The following TMEM87B variants were observed in gnomAD, a reference collection of about 807,000 sequenced individuals.
TMEM87B encodes the protein transmembrane protein 87B.
TMEM87B carries 83 observed loss-of-function variants against 80.3 expected under a neutral mutation model. The observed-to-expected ratio is 1.03, with a 90% CI of 0.87 to 1.24. The LOEUF is 1.24. Ranked by LOEUF, TMEM87B falls within the 50% of genes most tolerant of loss-of-function variation. The probability of loss-of-function intolerance (pLI) is 0.00; values close to 1 mark genes in which losing one functional copy is unlikely to be tolerated. For missense variants in TMEM87B, 625 were observed against 674.4 expected (o/e 0.93, Z 0.81); for synonymous variants, 219 against 230.5 (o/e 0.95, Z 0.45).
chr2:112,097,230 C>T lies in TMEM87B; in HGVS notation c.1214-3C>T. ...TTCAAAGGTGACTTTTTGTGTGTTT[C>T]AGCTTCTATAGTGTTTATGGGGTGG... On this transcript the variant is annotated splice_region_variant and splice_polypyrimidine_tract_variant and intron_variant, in intron 12 of 18. Transcript: ENST00000283206. 1 of 1,607,750 alleles carries T rather than the reference C, an allele frequency of 6.2e-7. No individual in the cohort carries two copies. Among genetic ancestry groups the T allele is most frequent in the Admixed American group, 1.7e-5 (1 of 58,406 alleles).
intron 2 of TMEM87B, among the ~76,000 whole-genome samples, chr2:112,060,685 C>T (rs1274966136): frequency 1.3e-5 from 2 of 151,816 alleles, no homozygotes; most frequent in Admixed American, 6.6e-5. Context: ...TACAGGCGAA[C>T]GCCACCACGC....
chr2:112,110,570 TC>T (rs1329623260), intron 17 of TMEM87B, among the ~76,000 whole-genome samples: 2 of 152,192 alleles, frequency 1.3e-5, no homozygotes, highest in Admixed American at 6.5e-5. Context: ...GATTTTGTTT[TC>T]CCATTCTGAG....
rs1217473816 is a variant in TMEM87B at position 112,055,370 on chromosome 2, C to T, written c.-222C>T. 6 of 529,208 alleles carry T rather than the reference C, an allele frequency of 1.1e-5. No homozygotes were observed. The highest frequency in any genetic ancestry group is 1.3e-5 in the Non-Finnish European group (4 of 308,920). 32.8% of individuals were successfully genotyped at this position (529,208 alleles called of 1,614,324 possible). On this transcript the variant is annotated 5_prime_UTR_variant, in exon 1 of 19. The change creates a new upstream start codon in the 5' untranslated region. Coordinates refer to ENST00000283206, the MANE Select transcript of TMEM87B (RefSeq NM_032824.3). The stretch of plus-strand genomic sequence containing the variant: ...GCCTTCCAGGCATCTCCCAGCTGCA[C>T]GCTCGGGCCCGGCTCAGAGCCCTAA...
At position 112,116,180 on chromosome 2, in the gene TMEM87B, G is replaced by T. The variant is rs756945845; in HGVS notation, c.*37G>T. ...ATAAGAAATGTAGTTAAGCCTGAAG[G>T]ACTATCCTTCATCAAGACTGAAAGT... On this transcript the variant is annotated 3_prime_UTR_variant, in exon 19 of 19. Coordinates refer to ENST00000283206, the MANE Select transcript of TMEM87B (RefSeq NM_032824.3). 5 of 1,568,422 alleles carry T rather than the reference G, an allele frequency of 3.2e-6. No homozygotes were observed. In the Admixed American group the frequency reaches 7.0e-5, roughly 22 times the overall value.
At chr2:112,102,987 G>A (rs531855346) in intron 15 of TMEM87B, among the ~76,000 whole-genome samples, 1 of 152,256 alleles carries the variant, frequency 6.6e-6, no homozygotes, top group South Asian at 2.1e-4. Context: ...GAATGTGAAA[G>A]AAAGAACATG....
intron 4 of TMEM87B, among the ~76,000 whole-genome samples, chr2:112,070,818 CT>C (rs1022710531): frequency 3.7e-4 from 54 of 145,122 alleles, no homozygotes; most frequent in Non-Finnish European, 4.4e-4. Context: ...CATGGAACAT[CT>C]TTTTTTTTTT....
At chr2:112,094,871 A>G (rs1679410185) in intron 11 of TMEM87B, among the ~76,000 whole-genome samples, 1 of 152,088 alleles carries the variant, frequency 6.6e-6, no homozygotes, top group South Asian at 2.1e-4. Flanking sequence ...CTAAAATGAA[A>G]TGTCTGCTTT....
intron 9 of TMEM87B, among the ~76,000 whole-genome samples, chr2:112,088,511 A>G (rs777475071): frequency 2.0e-5 from 3 of 152,142 alleles, no homozygotes; most frequent in Non-Finnish European, 2.9e-5. Flanking sequence ...ATGAGCTATG[A>G]CCACTAACTT....
chr2:112,056,315 T>C (rs62157782), intron 1 of TMEM87B, among the ~76,000 whole-genome samples: 29,603 of 152,072 alleles, frequency 0.19, 3,321 homozygotes, highest in African/African-American at 0.3. Context: ...AGTTCCTGAA[T>C]TTCTCTACAG....
chr2:112,115,914 G>A (rs1369517202), intron 18 of TMEM87B, among the ~76,000 whole-genome samples, 170 bp from the exon 19 acceptor site: 2 of 152,130 alleles, frequency 1.3e-5, no homozygotes, highest in Non-Finnish European at 2.9e-5. Context: ...GAGATTACAG[G>A]CATGAGTCAC....
At chr2:112,110,202 G>GT in intron 17 of TMEM87B, among the ~76,000 whole-genome samples, 1 of 151,798 alleles carries the variant, frequency 6.6e-6, no homozygotes, top group East Asian at 1.9e-4. Context: ...TTCCTTCTTT[G>GT]TTTCATTTTC....
chr2:112,107,155 C>G (rs1000298703), intron 16 of TMEM87B, among the ~76,000 whole-genome samples: 1 of 152,020 alleles, frequency 6.6e-6, no homozygotes, highest in Non-Finnish European at 1.5e-5. Context: ...CTCAGGAGTT[C>G]GAGACCAGCC....
Position 112,081,085 on chromosome 2 carries a change from A to C in TMEM87B, c.621A>C (p.Gly207=), listed in dbSNP as rs746098207. 1 of 1,612,890 alleles carries C rather than the reference A, an allele frequency of 6.2e-7. No homozygotes were observed. Among genetic ancestry groups the C allele is most frequent in the South Asian group, 1.1e-5 (1 of 91,042 alleles). The change falls in exon 7 of 19, where the codon GGA becomes GGC. Residue 207 remains glycine (G), a synonymous_variant. Transcript: ENST00000283206. ...CTCTTTCTATGATTGGGCCTCATGGATATATCTCTGCATCAGATTGGCCCC... is the reference window on the plus strand; with the variant it reads ...CTCTTTCTATGATTGGGCCTCATGGCTATATCTCTGCATCAGATTGGCCCC... ...NVSLSMIGPH[G]YISASDWPLM... is the part of the protein sequence containing the mutation.
Position 112,081,076 on chromosome 2 carries a change from G to C in TMEM87B, c.612G>C (p.Gly204=), listed in dbSNP as rs183274609. ...TCCTAGTTTCTCTTTCTATGATTGG[G>C]CCTCATGGATATATCTCTGCATCAG... The part of the protein sequence containing the change: ...WNLNVSLSMI[G]PHGYISASDW... Residue 204 remains glycine, a synonymous_variant, in exon 7 of 19, where the codon GGG becomes GGC. Coordinates refer to ENST00000283206, the MANE Select transcript of TMEM87B (RefSeq NM_032824.3). 6.2e-7 allele frequency: 1 copy of C among 1,612,348 alleles called. No homozygotes were observed. The highest frequency in any genetic ancestry group is 2.2e-5 in the East Asian group (1 of 44,838).
chr2:112,106,004 G>A lies in TMEM87B; in HGVS notation c.1453G>A (p.Glu485Lys), dbSNP rs773244105. 28 of 1,562,728 alleles carry A rather than the reference G, an allele frequency of 1.8e-5. No individual in the cohort carries two copies. The highest frequency in any genetic ancestry group is 1.0e-4 in the Admixed American group (5 of 48,964). ...EFMVTSENLT[E>K]GIKLRASKSV... ...TATGTTTATAATGTCTCTCGTAGCC[G>A]AAGGAATAAAATTAAGAGCCTCAAA... Residue 485 changes from glutamate to lysine, a missense_variant and splice_region_variant, in exon 16 of 19, where the codon GAA (glutamate) becomes AAA (lysine). Glu to Lys is a moderately conservative substitution (Grantham distance 56, BLOSUM62 1). Coordinates refer to ENST00000283206, the MANE Select transcript of TMEM87B (RefSeq NM_032824.3).
At chr2:112,101,210 G>A (rs1170254405) in intron 15 of TMEM87B, among the ~76,000 whole-genome samples, 1 of 152,070 alleles carries the variant, frequency 6.6e-6, no homozygotes, top group Non-Finnish European at 1.5e-5. Flanking sequence ...CAGATGTTGA[G>A]GGTAATTTTA....
chr2:112,055,794 G>A (rs1314744417), intron 1 of TMEM87B, 38 bp downstream of exon 1: 27 of 1,447,098 alleles, frequency 1.9e-5, no homozygotes, highest in Non-Finnish European at 2.4e-5. Context: ...GGCACGTCTC[G>A]GGCCGTCAGG....
intron 2 of TMEM87B, 33 bp from the exon 3 acceptor site, chr2:112,064,129 T>C: frequency 1.3e-6 from 2 of 1,571,796 alleles, no homozygotes; most frequent in South Asian, 2.2e-5. Flanking sequence ...TATGTATTAT[T>C]CATGTAAAAC....
rs1375205835 is a variant in TMEM87B at position 112,119,136 on chromosome 2, G to A, written c.*2993G>A. On this transcript the variant is annotated 3_prime_UTR_variant, in exon 19 of 19. Transcript: ENST00000283206. ...AACTAAGAAAACATTTATTTGGGGA[G>A]AAATTTTAGGCATTTAAGAACTTGT... The A allele has an allele frequency of 6.6e-6, 1 of 152,096 alleles. No homozygotes were observed. Among genetic ancestry groups the A allele is most frequent in the Admixed American group, 6.5e-5 (1 of 15,276 alleles). The allele number at this position is 152,096 out of a possible 1,614,324, so 9.4% of individuals were successfully genotyped here.
Sources: allele counts gnomAD v4.1 joint callset (sites outside exome capture counted in the v4.1 genomes callset), GRCh38; gene constraint gnomAD v4.1.1; transcripts MANE v1.5; gene names NCBI Gene and HGNC (gene_info 2026-07-23, HGNC 2026-07-21).